COL11A1: variants seen among roughly 807,000 people sequenced by gnomAD.
COL11A1 encodes collagen alpha-1(XI) chain.
In COL11A1, 74 loss-of-function variants were observed where a neutral mutation model predicts 265.2. That is an observed-to-expected ratio of 0.28 (90% confidence interval 0.23 to 0.34). COL11A1 has a LOEUF of 0.34. Among genes scored for constraint, COL11A1 ranks in the 10% least tolerant of loss-of-function variants. The pLI is 1.00. For missense variants in COL11A1, 2,165 were observed against 2,263.6 expected (o/e 0.96, Z 0.88); for synonymous variants, 816 against 727.6 (o/e 1.12, Z -1.96).
intron 4 of COL11A1, among the ~76,000 whole-genome samples, chr1:103,049,820 G>A (rs551232245): frequency 2.0e-5 from 3 of 152,266 alleles, no homozygotes; most frequent in African/African-American, 7.2e-5. Context: ...CTCAGCATTT[G>A]CTTGTCTGTA....
In COL11A1 at chr1:103,013,477, A is replaced by G. The variant is rs146972119; in HGVS notation, c.1573-1008T>C. Among the ~76,000 whole-genome samples, 358 of 152,130 alleles carry G rather than the reference A, an allele frequency of 2.4e-3. 2 individuals are homozygous for G. Among genetic ancestry groups the G allele is most frequent in the African/African-American group, 8.2e-3 (339 of 41,570 alleles). On this transcript the variant is annotated intron_variant, in intron 13 of 66. Coordinates refer to ENST00000370096, the MANE Select transcript of COL11A1 (RefSeq NM_001854.4). ...AAGAATATATTTTATAAAATAAGTT[A>G]TAGAAATCTTTAGTAAATTATTTTA...
At chr1:103,071,548 T>C (rs1359446223) in intron 4 of COL11A1, among the ~76,000 whole-genome samples, 1 of 147,890 alleles carries the variant, frequency 6.8e-6, no homozygotes, top group East Asian at 2.0e-4. Context: ...TTAAGGTCTG[T>C]ACTCAGGTGT....
chr1:102,898,561 C>T (rs568424379), intron 56 of COL11A1, 105 bp downstream of exon 56: 12 of 816,462 alleles, frequency 1.5e-5, no homozygotes, highest in South Asian at 4.6e-5. Context: ...AAATTATCCA[C>T]GTTATAACTT....
At chr1:103,093,271 A>G (rs1417119225) in intron 1 of COL11A1, among the ~76,000 whole-genome samples, 2 of 152,112 alleles carry the variant, frequency 1.3e-5, no homozygotes, top group Non-Finnish European at 2.9e-5. Context: ...TGGTTCGATA[A>G]TTTTAGAAAG....
In COL11A1 at chr1:102,912,025, A is replaced by G. The variant is rs147568499; in HGVS notation, c.4086+134T>C. 9.6e-5 allele frequency: 72 copies of G among 751,458 alleles called. 1 individual carries two copies. The East Asian group carries it at 1.9e-3, about 20-fold the overall frequency. The allele number at this position is 751,458 out of a possible 1,614,324, so 46.5% of individuals were successfully genotyped here. A position where few individuals can be genotyped will look rare whatever the true frequency, so the allele number is the denominator to read the frequency against. On this transcript the variant is annotated intron_variant, in intron 54 of 66. Transcript: ENST00000370096. The stretch of plus-strand genomic sequence containing the variant: ...ATTTTAGTTATTATTTGGCACATTT[A>G]AAAATTGTTTTTAGGATTTATGATA...
At chr1:103,026,898 G>C (rs1419962764) in intron 5 of COL11A1, among the ~76,000 whole-genome samples, 1 of 151,638 alleles carries the variant, frequency 6.6e-6, no homozygotes, top group Non-Finnish European at 1.5e-5. Flanking sequence ...GTAACCAATG[G>C]GAAAATAAAA....
At chr1:102,903,425 A>G (rs532326870) in intron 54 of COL11A1, among the ~76,000 whole-genome samples, 7 of 151,898 alleles carry the variant, frequency 4.6e-5, no homozygotes, top group Non-Finnish European at 8.8e-5. Context: ...TGTCATTGCT[A>G]CTTCCGCCAT....
chr1:102,912,189 C>T lies in COL11A1; in HGVS notation c.4056G>A (p.Glu1352=), dbSNP rs1306769069. ...GQPGPPGPSG[E]AGPPGPPGKR... ...TTCCAGGAGGACCTGGTGGGCCAGC[C>T]TCACCAGATGGGCCAGGAGGACCCT... is the stretch of plus-strand genomic sequence containing the variant. The change falls in exon 54 of 67, where the codon GAG becomes GAA. Residue 1352 remains glutamate, a synonymous_variant. Coordinates refer to ENST00000370096, the MANE Select transcript of COL11A1 (RefSeq NM_001854.4). 2 of 1,611,752 alleles carry T rather than the reference C, an allele frequency of 1.2e-6. No individual in the cohort carries two copies. Among genetic ancestry groups the T allele is most frequent in the Admixed American group, 3.4e-5 (2 of 59,678 alleles).
At chr1:102,904,118 C>T (rs1653582689) in intron 54 of COL11A1, among the ~76,000 whole-genome samples, 1 of 152,126 alleles carries the variant, frequency 6.6e-6, no homozygotes, top group East Asian at 1.9e-4. Context: ...TTGCTTCAGC[C>T]TCTCAAAGTG....
intron 43 of COL11A1, among the ~76,000 whole-genome samples, chr1:102,939,845 T>C (rs1658539306): frequency 6.6e-6 from 1 of 152,136 alleles, no homozygotes; most frequent in African/African-American, 2.4e-5. Flanking sequence ...TATAATGATG[T>C]ATTCAATTGA....
intron 11 of COL11A1, among the ~76,000 whole-genome samples, chr1:103,016,111 T>C (rs1666545944): frequency 6.6e-6 from 1 of 152,030 alleles, no homozygotes; most frequent in African/African-American, 2.4e-5. Context: ...AAGTAAATAA[T>C]GAAAGTTTTA....
intron 4 of COL11A1, among the ~76,000 whole-genome samples, chr1:103,068,043 A>G (rs1671287985): frequency 6.6e-6 from 1 of 151,662 alleles, no homozygotes; most frequent in Non-Finnish European, 1.5e-5. Context: ...CAGTAATATA[A>G]GAAAGTTTTC....
intron 4 of COL11A1, among the ~76,000 whole-genome samples, chr1:103,050,103 T>C (rs1669675019): frequency 6.6e-6 from 1 of 152,170 alleles, no homozygotes; most frequent in Non-Finnish European, 1.5e-5. Flanking sequence ...TCAAGGACTA[T>C]CTTTGTGAGG....
Position 102,997,122 on chromosome 1 carries a change from A to G in COL11A1, c.2199T>C (p.Gly733=). The G allele has an allele frequency of 6.2e-7, 1 of 1,611,602 alleles. No individual in the cohort carries two copies. The highest frequency in any genetic ancestry group is 1.3e-5 in the African/African-American group (1 of 74,968). ...CAGACTGGCCTTCTTTCCCAGGATG[A>G]CCCTATATTTAGCAAAAACATACAC... ...AGLPGADGPP[G]HPGKEGQSGE... Residue 733 remains glycine, a splice_region_variant and synonymous_variant, in exon 26 of 67, where the codon GGT becomes GGC. Coordinates refer to ENST00000370096, the MANE Select transcript of COL11A1 (RefSeq NM_001854.4).
At chr1:102,958,473 T>A (rs1276601940) in intron 41 of COL11A1, among the ~76,000 whole-genome samples, 1 of 152,254 alleles carries the variant, frequency 6.6e-6, no homozygotes, top group South Asian at 2.1e-4. Context: ...AATTAAAAAA[T>A]TCAAAATCAA....
chr1:102,920,503 T>C, intron 48 of COL11A1, 139 bp from the exon 49 acceptor site: 2 of 709,932 alleles, frequency 2.8e-6, no homozygotes, highest in South Asian at 1.6e-5. Context: ...GACTAAATGA[T>C]GCTTAATAGA....
At chr1:102,976,679 G>A (rs571704450) in intron 35 of COL11A1, among the ~76,000 whole-genome samples, 58 of 152,104 alleles carry the variant, frequency 3.8e-4, no homozygotes, top group Non-Finnish European at 7.6e-4. Context: ...TACAGATGGT[G>A]TTGAAACCAG....
At chr1:102,917,364 A>G (rs1186477928) in intron 49 of COL11A1, among the ~76,000 whole-genome samples, 1 of 151,976 alleles carries the variant, frequency 6.6e-6, no homozygotes, top group African/African-American at 2.4e-5. Flanking sequence ...TTTAAACATA[A>G]GACCTGAAAC....
At chr1:103,028,997 T>C (rs1287362267) in intron 5 of COL11A1, among the ~76,000 whole-genome samples, 1 of 152,044 alleles carries the variant, frequency 6.6e-6, no homozygotes, top group African/African-American at 2.4e-5. Flanking sequence ...TAGGTTCAAA[T>C]AAAATTAAAA....
Sources: gnomAD v4.1 joint callset for allele counts (sites outside exome capture counted in the v4.1 genomes callset) on GRCh38, gnomAD v4.1.1 for gene constraint, MANE v1.5 for transcripts, NCBI Gene and HGNC (gene_info 2026-07-23, HGNC 2026-07-21) for gene names.